Variants in PDCD6IP observed in about 807,000 individuals in gnomAD.
The protein encoded by PDCD6IP is programmed cell death 6 interacting protein.
Under a neutral mutation model 103.7 loss-of-function variants are expected in PDCD6IP, and 43 were observed. That is an observed-to-expected ratio of 0.41 (90% CI 0.32 to 0.53). The LOEUF is 0.53. Among genes scored for constraint, PDCD6IP ranks in the 20% least tolerant of loss-of-function variants. The pLI is 0.16. For synonymous variants in PDCD6IP, 354 were observed against 378.7 expected (o/e 0.93, Z 0.76); for missense variants, 871 against 1,036.7 (o/e 0.84, Z 2.20).
At chr3:33,837,449 T>A (rs961716071) in intron 8 of PDCD6IP, among the ~76,000 whole-genome samples, 1 of 152,200 alleles carries the variant, frequency 6.6e-6, no homozygotes, top group African/African-American at 2.4e-5. Flanking sequence ...TTTTCAGAAG[T>A]GCCCTGAGAT....
intron 12 of PDCD6IP, among the ~76,000 whole-genome samples, chr3:33,847,462 C>T (rs1697619543): frequency 6.6e-6 from 1 of 152,144 alleles, no homozygotes; most frequent in Non-Finnish European, 1.5e-5. Flanking sequence ...TGTCATGTGC[C>T]TTAATCAAAT....
At chr3:33,814,328 T>C (rs897860171) in intron 3 of PDCD6IP, among the ~76,000 whole-genome samples, 1 of 151,728 alleles carries the variant, frequency 6.6e-6, no homozygotes, top group Non-Finnish European at 1.5e-5. Context: ...AGAGACGGGG[T>C]TTCACCATGT....
At chr3:33,834,602 T>A (rs1160434700) in intron 7 of PDCD6IP, among the ~76,000 whole-genome samples, 1 of 152,216 alleles carries the variant, frequency 6.6e-6, no homozygotes, top group Non-Finnish European at 1.5e-5. Flanking sequence ...ACGAAGATTT[T>A]AAAAAATCAA....
rs1354550145 is a variant in PDCD6IP, at chr3:33,868,211, A to G, written c.*1686A>G. 6.6e-6 allele frequency: 1 copy of G among 152,162 alleles called. No individual in the cohort carries two copies. Among genetic ancestry groups the G allele is most frequent in the Non-Finnish European group, 1.5e-5 (1 of 68,042 alleles). The allele number at this position is 152,162 out of a possible 1,614,324, so 9.4% of individuals were successfully genotyped here. A position where few individuals can be genotyped will look rare whatever the true frequency, so the allele number is the denominator to read the frequency against. On this transcript the variant is annotated 3_prime_UTR_variant, in exon 18 of 18. Coordinates refer to ENST00000307296, the MANE Select transcript of PDCD6IP (RefSeq NM_013374.6). Reference sequence around the variant, plus strand: ...AGTGGCATTTAAGTTCCACATTCTTATTACTTGAGGTACTTTATACTAACA... The same window carrying G: ...AGTGGCATTTAAGTTCCACATTCTTGTTACTTGAGGTACTTTATACTAACA...
At chr3:33,836,879 A>G (rs1697360481) in intron 8 of PDCD6IP, among the ~76,000 whole-genome samples, 1 of 151,520 alleles carries the variant, frequency 6.6e-6, no homozygotes, top group Admixed American at 6.6e-5. Flanking sequence ...AAATAAATAA[A>G]TAAAATAAAT....
At chr3:33,845,008 T>C (rs1474893561) in intron 11 of PDCD6IP, among the ~76,000 whole-genome samples, 2 of 151,982 alleles carry the variant, frequency 1.3e-5, no homozygotes, top group Non-Finnish European at 2.9e-5. Flanking sequence ...TTGTAAAAAG[T>C]TCATATATTA....
intron 16 of PDCD6IP, among the ~76,000 whole-genome samples, chr3:33,864,578 A>C (rs1398708648): frequency 6.6e-6 from 1 of 152,238 alleles, no homozygotes; most frequent in Non-Finnish European, 1.5e-5. Flanking sequence ...TTGGTTTATA[A>C]AAATAGCTAT....
At chr3:33,824,628 A>G (rs1697071320) in intron 4 of PDCD6IP, among the ~76,000 whole-genome samples, 1 of 152,226 alleles carries the variant, frequency 6.6e-6, no homozygotes, top group South Asian at 2.1e-4. Context: ...TCATGAAAGC[A>G]AAGTTATTTT....
intron 7 of PDCD6IP, among the ~76,000 whole-genome samples, chr3:33,832,706 A>C (rs945886522): frequency 6.6e-6 from 1 of 152,016 alleles, no homozygotes; most frequent in Non-Finnish European, 1.5e-5. Flanking sequence ...TGTTTCATTG[A>C]CTTGTTTATC....
intron 15 of PDCD6IP, among the ~76,000 whole-genome samples, chr3:33,863,682 C>G (rs148924548): frequency 1.8e-3 from 280 of 152,234 alleles, no homozygotes; most frequent in African/African-American, 6.4e-3. Context: ...ACTTAGGTTG[C>G]ATTCATATTT....
At chr3:33,847,301 C>G (rs1023324583) in intron 12 of PDCD6IP, among the ~76,000 whole-genome samples, 1 of 152,246 alleles carries the variant, frequency 6.6e-6, no homozygotes, top group African/African-American at 2.4e-5. Flanking sequence ...TGATATATTG[C>G]TATTTTATTC....
chr3:33,854,640 A>T (rs1223188246), intron 14 of PDCD6IP: 1 of 152,304 alleles, frequency 6.6e-6, no homozygotes, highest in Non-Finnish European at 1.5e-5. Context: ...CAGTAGGTAA[A>T]ATGTAAAACC....
At chr3:33,844,296 T>A in intron 11 of PDCD6IP, 73 bp downstream of exon 11, 2 of 743,442 alleles carry the variant, frequency 2.7e-6, no homozygotes, top group Non-Finnish European at 4.3e-6. Context: ...TTGATTAAAT[T>A]AGGCTCAGTT....
At position 33,838,168 on chromosome 3, in the gene PDCD6IP, TA is replaced by T. The variant is rs768266613; in HGVS notation, c.1058-31del. The T allele has an allele frequency of 4.4e-6, 7 of 1,604,502 alleles. No individual in the cohort carries two copies. In the Admixed American group the frequency reaches 6.7e-5, roughly 15 times the overall value. On this transcript the variant is annotated intron_variant, in intron 8 of 17. Transcript: ENST00000307296. ...CACTTTTACAGTTCGGGTTTTTGTC[TA>T]AAAATTTTGTTGTAATTTCTCTTCC... is the stretch of plus-strand genomic sequence containing the variant.
chr3:33,862,589 T>C (rs1223325459), intron 15 of PDCD6IP, among the ~76,000 whole-genome samples: 1 of 152,234 alleles, frequency 6.6e-6, no homozygotes, highest in African/African-American at 2.4e-5. Context: ...AATATATCTT[T>C]CATGAGTTTA....
chr3:33,842,577 C>G (rs112400499), intron 10 of PDCD6IP, among the ~76,000 whole-genome samples: 6,123 of 151,640 alleles, frequency 0.04, 189 homozygotes, highest in South Asian at 0.075. Flanking sequence ...TTTGCTGATT[C>G]TTGCTTATGG....
intron 12 of PDCD6IP, among the ~76,000 whole-genome samples, chr3:33,850,815 T>C (rs1366265584): frequency 6.6e-6 from 1 of 152,146 alleles, no homozygotes; most frequent in Non-Finnish European, 1.5e-5. Context: ...TGTGGTTTGA[T>C]GCTTTCTAGA....
intron 12 of PDCD6IP, among the ~76,000 whole-genome samples, chr3:33,851,882 A>G (rs1027193943): frequency 6.6e-6 from 1 of 151,990 alleles, no homozygotes; most frequent in Non-Finnish European, 1.5e-5. Flanking sequence ...TTCTCCATCT[A>G]CCATGCTTGC....
chr3:33,799,162 T>G, intron 1 of PDCD6IP: 1 of 569,500 alleles, frequency 1.8e-6, no homozygotes, highest in South Asian at 2.4e-5. Flanking sequence ...CTCTAGCCCT[T>G]GGTCGGCGAG....
Sources: allele counts gnomAD v4.1 joint callset (sites outside exome capture counted in the v4.1 genomes callset), GRCh38; gene constraint gnomAD v4.1.1; transcripts MANE v1.5; gene names NCBI Gene and HGNC (gene_info 2026-07-23, HGNC 2026-07-21).